The following ATL2 variants were observed in gnomAD, a reference collection of about 807,000 sequenced individuals.
ATL2 encodes the protein atlastin-2.
Under a neutral mutation model 73.9 loss-of-function variants are expected in ATL2, and 31 were observed. The observed-to-expected ratio is 0.42, with a 90% CI of 0.32 to 0.57. The LOEUF is 0.57. Among genes scored for constraint, ATL2 ranks in the 20% least tolerant of loss-of-function variants. The pLI is 0.14. For synonymous variants in ATL2, 291 were observed against 237.5 expected (o/e 1.23, Z -2.07); for missense variants, 738 against 702.6 (o/e 1.05, Z -0.57).
chr2:38,352,829 C>T (rs1461224279), intron 1 of ATL2, among the ~76,000 whole-genome samples: 1 of 152,138 alleles, frequency 6.6e-6, no homozygotes, highest in African/African-American at 2.4e-5. Context: ...CTAAATAAAA[C>T]CAAGACTTGA....
At chr2:38,352,564 T>C (rs925725574) in intron 1 of ATL2, among the ~76,000 whole-genome samples, 5 of 152,130 alleles carry the variant, frequency 3.3e-5, no homozygotes, top group African/African-American at 9.7e-5. Context: ...CCAGAACTCC[T>C]TGGACAAGGA....
chr2:38,339,367 C>T (rs80209564), intron 2 of ATL2, among the ~76,000 whole-genome samples: 5,895 of 152,086 alleles, frequency 0.039, 151 homozygotes, highest in African/African-American at 0.073. Flanking sequence ...ACTGCAGAAG[C>T]CGGAACGAAG....
chr2:38,293,967 G>A lies in ATL2; in HGVS notation c.*2027C>T, dbSNP rs1312596800. Among the ~76,000 whole-genome samples the A allele has an allele frequency of 6.6e-6, 1 of 152,194 alleles. No homozygotes were observed. Among genetic ancestry groups the A allele is most frequent in the Non-Finnish European group, 1.5e-5 (1 of 68,026 alleles). Reference sequence around the variant, plus strand: ...GTCTAGATTTTATAACTTTTTAAAAGTAAGCTGTCTTTAATTTCAGAAAAT... The same window carrying A: ...GTCTAGATTTTATAACTTTTTAAAAATAAGCTGTCTTTAATTTCAGAAAAT... On this transcript the variant is annotated 3_prime_UTR_variant, in exon 13 of 13. Transcript: ENST00000378954.
At chr2:38,349,086 T>G (rs1670192606) in intron 1 of ATL2, among the ~76,000 whole-genome samples, 1 of 150,878 alleles carries the variant, frequency 6.6e-6, no homozygotes, top group Admixed American at 6.6e-5. Context: ...GACTGTAAAC[T>G]AGTTCAACCA....
chr2:38,370,448 C>CAAAAAAAAAA (rs55964015), intron 1 of ATL2, among the ~76,000 whole-genome samples: 3 of 55,210 alleles, frequency 5.4e-5, no homozygotes, highest in Non-Finnish European at 1.1e-4. Context: ...GACTCTGTCC[C>CAAAAAAAAAA]AAAAAAAAAA....
At chr2:38,369,681 G>A (rs1671554386) in intron 1 of ATL2, among the ~76,000 whole-genome samples, 1 of 151,832 alleles carries the variant, frequency 6.6e-6, no homozygotes, top group Non-Finnish European at 1.5e-5. Context: ...GAGCCCAGAA[G>A]GTGGAGGCTG....
In ATL2 at chr2:38,377,125, T is replaced by C. The variant is rs368974028; in HGVS notation, c.118+18A>G. 4.4e-5 allele frequency: 70 copies of C among 1,606,094 alleles called. No individual in the cohort carries two copies. The African/African-American group carries it at 8.2e-4, about 19-fold the overall frequency. On this transcript the variant is annotated intron_variant, in intron 1 of 12. Transcript: ENST00000378954. ...CTCCCCATCAGGGCCCCGCGGCCTC[T>C]GCCTCGCTGGCCCGTACCTAGGGAG...
Position 38,298,575 on chromosome 2 carries a change from C to A in ATL2, c.1201G>T (p.Val401Leu), listed in dbSNP as rs1451834674. 6.2e-7 allele frequency: 1 copy of A among 1,609,866 alleles called. No individual in the cohort carries two copies. The highest frequency in any genetic ancestry group is 8.5e-7 in the Non-Finnish European group (1 of 1,177,810). Residue 401 changes from valine to leucine, a missense_variant and splice_region_variant, in exon 12 of 13, where the codon GTA becomes TTA. Physicochemically the swap from Val to Leu is conservative, Grantham distance 32. Coordinates refer to ENST00000378954, the MANE Select transcript of ATL2 (RefSeq NM_001135673.4). ...ATGTAAGGCTTGTCCCCTCCACATACCTGGACAGACAGAATTACAGTATTA... is the reference window on the plus strand; with the variant it reads ...ATGTAAGGCTTGTCCCCTCCACATAACTGGACAGACAGAATTACAGTATTA... ...RDTYCKSMEQ[V>L]CGGDKPYIAP...
intron 1 of ATL2, among the ~76,000 whole-genome samples, chr2:38,346,978 G>C (rs1355106741): frequency 6.6e-6 from 1 of 152,142 alleles, no homozygotes; most frequent in Admixed American, 6.5e-5. Flanking sequence ...CAGCTTAAAA[G>C]ACACTTTCCA....
intron 9 of ATL2, among the ~76,000 whole-genome samples, chr2:38,306,384 A>C (rs914408119): frequency 6.6e-6 from 1 of 152,216 alleles, no homozygotes; most frequent in Non-Finnish European, 1.5e-5. Context: ...TTCCAAACCA[A>C]TACTACAAGG....
intron 1 of ATL2, among the ~76,000 whole-genome samples, chr2:38,351,984 C>A (rs918037771): frequency 2.0e-5 from 3 of 150,986 alleles, no homozygotes; most frequent in African/African-American, 7.3e-5. Flanking sequence ...TGGTGGCAGG[C>A]CCCTGTAATC....
chr2:38,297,769 C>G (rs1186995116), intron 12 of ATL2, among the ~76,000 whole-genome samples: 2 of 152,096 alleles, frequency 1.3e-5, no homozygotes, highest in African/African-American at 4.8e-5. Context: ...TAGGAAGAAA[C>G]TTCTTTTGCT....
chr2:38,307,435 G>A (rs947531354), intron 9 of ATL2, among the ~76,000 whole-genome samples: 11 of 150,736 alleles, frequency 7.3e-5, no homozygotes, highest in South Asian at 4.2e-4. Flanking sequence ...GGAGGCGGAC[G>A]TTACAGCAAG....
chr2:38,365,247 T>C (rs932767645), intron 1 of ATL2, among the ~76,000 whole-genome samples: 1 of 151,736 alleles, frequency 6.6e-6, no homozygotes, highest in African/African-American at 2.4e-5. Flanking sequence ...TTAGATCGAA[T>C]AGGGCTACTA....
chr2:38,308,926 G>C (rs1667596264), intron 9 of ATL2, among the ~76,000 whole-genome samples: 2 of 150,386 alleles, frequency 1.3e-5, no homozygotes, highest in Admixed American at 1.3e-4. Flanking sequence ...ATAAAGACTA[G>C]AGAAGAACAG....
chr2:38,309,400 T>G lies in ATL2; in HGVS notation c.1050A>C (p.Arg350Ser). 1 of 1,610,278 alleles carries G rather than the reference T, an allele frequency of 6.2e-7. No homozygotes were observed. Among genetic ancestry groups the G allele is most frequent in the South Asian group, 1.1e-5 (1 of 90,748 alleles). The change falls in exon 9 of 13, where the codon AGA becomes AGC. Residue 350 changes from arginine to serine, a missense_variant. Transcript: ENST00000378954. ...CTACCTTAAAATATTCTACAAGATC[T>G]CTACAAGTGACTTTAGATCCACTTA... ...KEISGSKVTC[R>S]DLVEYFKAYI...
rs3731847 is a variant in ATL2, at chr2:38,377,209, A to G, written c.52T>C (p.Trp18Arg). Residue 18 changes from tryptophan to arginine, a missense_variant, in exon 1 of 13, where the codon TGG becomes CGG. Transcript: ENST00000378954. ...GGGTCGCTGGTCCGTCGCCGGCGCC[A>G]CAGCCCCTGGTGCGGTTGCTGCCCT... The part of the protein sequence containing the change: ...ARGQQPHQGL[W>R]RRRRTSDPSA... The G allele has an allele frequency of 0.42, 669,641 of 1,607,000 alleles. 146,641 individuals carry two copies. Among genetic ancestry groups the G allele is most frequent in the African/African-American group, 0.76 (56,549 of 74,678 alleles).
intron 6 of ATL2, among the ~76,000 whole-genome samples, chr2:38,313,971 A>C (rs912242623): frequency 6.6e-6 from 1 of 152,204 alleles, no homozygotes; most frequent in Non-Finnish European, 1.5e-5. Context: ...CATCTGCTCA[A>C]CTACTTAATA....
chr2:38,362,149 G>A (rs2124471100), intron 1 of ATL2, among the ~76,000 whole-genome samples: 1 of 152,204 alleles, frequency 6.6e-6, no homozygotes, highest in African/African-American at 2.4e-5. Flanking sequence ...ATAAGAATAG[G>A]TTTAAAGGGC....
Sources: gnomAD v4.1 joint callset for allele counts (sites outside exome capture counted in the v4.1 genomes callset) on GRCh38, gnomAD v4.1.1 for gene constraint, MANE v1.5 for transcripts, NCBI Gene and HGNC (gene_info 2026-07-23, HGNC 2026-07-21) for gene names.